ABL1: variants seen among roughly 807,000 people sequenced by gnomAD.
The protein encoded by ABL1 is ABL proto-oncogene 1, non-receptor tyrosine kinase.
In ABL1, 11 loss-of-function variants were observed where a neutral mutation model predicts 94.7. The observed-to-expected ratio is 0.12, with a 90% CI of 0.07 to 0.19. The LOEUF (loss-of-function observed/expected upper bound fraction) is 0.19. Among genes scored for constraint, ABL1 ranks in the 10% least tolerant of loss-of-function variants. The pLI, the probability that ABL1 is intolerant of heterozygous loss-of-function variation, is 1.00. For synonymous variants in ABL1, 656 were observed against 622.4 expected, an observed-to-expected ratio of 1.05 and a Z score of -0.80; for missense variants, 1,082 against 1,489.4, an observed-to-expected ratio of 0.73 and a Z score of 4.50.
intron 1 of ABL1, among the ~76,000 whole-genome samples, chr9:130,715,732 T>C (rs1831428914): frequency 6.6e-6 from 1 of 152,220 alleles, no homozygotes; most frequent in Non-Finnish European, 1.5e-5. Flanking sequence ...CTTATCAGAA[T>C]TTGAAATGTA....
intron 1 of ABL1, among the ~76,000 whole-genome samples, chr9:130,769,047 C>T (rs954476472): frequency 2.6e-5 from 4 of 152,000 alleles, no homozygotes; most frequent in Non-Finnish European, 5.9e-5. Flanking sequence ...GTGGGTATGG[C>T]CTGGGGACGT....
intron 1 of ABL1, among the ~76,000 whole-genome samples, chr9:130,743,655 A>G (rs1831847843): frequency 6.6e-6 from 1 of 152,212 alleles, no homozygotes; most frequent in Non-Finnish European, 1.5e-5. Flanking sequence ...TCCTGGGCCA[A>G]AACCTTTATT....
At chr9:130,831,799 G>C (rs1830497633), upstream of ABL1, among the ~76,000 whole-genome samples, 1 of 152,014 alleles carries the variant, frequency 6.6e-6, no homozygotes, top group African/African-American at 2.4e-5. Flanking sequence ...AGTAGAGACA[G>C]GATTTCCCCA....
At chr9:130,755,157 T>C (rs1441491122) in intron 1 of ABL1, among the ~76,000 whole-genome samples, 1 of 152,210 alleles carries the variant, frequency 6.6e-6, no homozygotes, top group Non-Finnish European at 1.5e-5. Context: ...TGTTAAAATA[T>C]CAGAGCTATG....
At chr9:130,750,373 TTCCTTCCC>T (rs1211189912) in intron 1 of ABL1, among the ~76,000 whole-genome samples, 6 of 146,400 alleles carry the variant, frequency 4.1e-5, no homozygotes, top group Middle Eastern at 3.7e-3. Flanking sequence ...CCCATCATCC[TTCCTTCCC>T]TCCTTCCCTC....
intron 1 of ABL1, among the ~76,000 whole-genome samples, chr9:130,853,393 C>G (rs1247013711): frequency 1.3e-5 from 2 of 150,136 alleles, no homozygotes; most frequent in African/African-American, 4.9e-5. Context: ...TCAGGTTGGT[C>G]TTGAACTCCT....
intron 1 of ABL1, among the ~76,000 whole-genome samples, chr9:130,841,507 C>G (rs907046311): frequency 6.6e-6 from 1 of 151,964 alleles, no homozygotes; most frequent in Middle Eastern, 3.4e-3. Flanking sequence ...GTTGAACAAG[C>G]TTGCTCTAGA....
At position 130,884,681 on chromosome 9, in the gene ABL1, C is replaced by A; in HGVS notation, c.2391C>A (p.Val797=). 1 of 1,612,970 alleles carries A rather than the reference C, an allele frequency of 6.2e-7. No homozygotes were observed. Among genetic ancestry groups the A allele is most frequent in the Non-Finnish European group, 8.5e-7 (1 of 1,179,982 alleles). Reference sequence around the variant, plus strand: ...AGAATGAGGAAGCTGCTGATGAGGTCTTCAAAGACATCATGGAGTCCAGCC... The same window carrying A: ...AGAATGAGGAAGCTGCTGATGAGGTATTCAAAGACATCATGGAGTCCAGCC... ...VKKNEEAADE[V]FKDIMESSPG... is the part of the protein sequence containing the mutation. Residue 797 remains valine (V), a synonymous_variant, in exon 11 of 11, where the codon GTC becomes GTA. Coordinates refer to ENST00000318560, the MANE Select transcript of ABL1 (RefSeq NM_005157.6). This position sits in a 1 kb window ranked among gnomAD's most constrained non-coding sequence, Gnocchi z 5.6.
exon 1 of ABL1, chr9:130,714,286 C>A (rs889047854): frequency 1.3e-6 from 2 of 1,546,980 alleles, no homozygotes; most frequent in Non-Finnish European, 1.7e-6. Context: ...AGATCTTGAA[C>A]CCTCTTCTGG....
rs374587594 is a variant in ABL1, at chr9:130,734,462, G to A, written c.136+20007G>A. On this transcript the variant is annotated intron_variant, in intron 1 of 10. Transcript: ENST00000372348. ...GATCTCCTGACCTCGTGATCCGCCC[G>A]CCTTGGCTTCCCAAAGTGCTGGGAT... 1.9e-4 allele frequency among the ~76,000 whole-genome samples: 28 copies of A among 150,434 alleles called. No individual in the cohort carries two copies. The East Asian group carries it at 2.8e-3, about 15-fold the overall frequency.
intron 1 of ABL1, among the ~76,000 whole-genome samples, chr9:130,806,494 T>C (rs1564295345): frequency 6.6e-6 from 1 of 151,944 alleles, no homozygotes; most frequent in South Asian, 2.1e-4. Context: ...GTGAGGACTT[T>C]AAAAAAAATT....
intron 1 of ABL1, among the ~76,000 whole-genome samples, chr9:130,811,800 T>C (rs934412413): frequency 6.7e-6 from 1 of 150,220 alleles, no homozygotes; most frequent in Non-Finnish European, 1.5e-5. Context: ...TAATCTCAGC[T>C]ACTCGGGAGG....
chr9:130,748,598 C>T lies in ABL1; in HGVS notation c.136+34143C>T, dbSNP rs571941607. Among the ~76,000 whole-genome samples the T allele has an allele frequency of 5.7e-4, 84 of 148,158 alleles. 1 individual carries two copies. Among genetic ancestry groups the T allele is most frequent in the East Asian group, 3.4e-3 (17 of 4,980 alleles). Reference sequence around the variant, plus strand: ...TAGCTACTTTTTTTTTTTTTTGAGACGGAGTCTTGCTCTGTCGCCCACACT... The same window carrying T: ...TAGCTACTTTTTTTTTTTTTTGAGATGGAGTCTTGCTCTGTCGCCCACACT... On this transcript the variant is annotated intron_variant, in intron 1 of 10. Coordinates refer to the ABL1 transcript ENST00000372348.
At chr9:130,860,583 A>T (rs931606504) in intron 3 of ABL1, among the ~76,000 whole-genome samples, 3 of 152,122 alleles carry the variant, frequency 2.0e-5, no homozygotes, top group Non-Finnish European at 2.9e-5. Context: ...CCGACGGGAG[A>T]GAGGGATAAT....
intron 1 of ABL1, among the ~76,000 whole-genome samples, chr9:130,740,736 G>T (rs1221972433): frequency 1.3e-5 from 2 of 151,760 alleles, no homozygotes; most frequent in East Asian, 3.9e-4. Context: ...GCTCACTTCA[G>T]CCTGTAATTC....
chr9:130,858,831 C>G (rs530656895), intron 3 of ABL1, among the ~76,000 whole-genome samples: 1 of 152,222 alleles, frequency 6.6e-6, no homozygotes, highest in African/African-American at 2.4e-5. Flanking sequence ...CTGTAAGGCC[C>G]CAAAGGATTT....
intron 1 of ABL1, among the ~76,000 whole-genome samples, chr9:130,750,671 G>A (rs1414083585): frequency 3.4e-4 from 33 of 96,106 alleles, no homozygotes; most frequent in African/African-American, 1.5e-3. Context: ...TTTTGAGACA[G>A]AGTCTCACTC....
intron 4 of ABL1, among the ~76,000 whole-genome samples, chr9:130,869,424 T>C (rs1389918703): frequency 6.6e-6 from 1 of 152,224 alleles, no homozygotes; most frequent in Non-Finnish European, 1.5e-5. Flanking sequence ...GTTGTGCAGA[T>C]GAGAAAACAG....
At chr9:130,804,160 T>A (rs1830092732) in intron 1 of ABL1, among the ~76,000 whole-genome samples, 1 of 149,428 alleles carries the variant, frequency 6.7e-6, no homozygotes, top group Non-Finnish European at 1.5e-5. Flanking sequence ...ATCGAGACAA[T>A]CCTGGCTAAC....
Sources: gnomAD v4.1 joint callset for allele counts (sites outside exome capture counted in the v4.1 genomes callset) on GRCh38, gnomAD v4.1.1 for gene constraint, Gnocchi (gnomAD v3.1) non-coding constraint, MANE v1.5 for transcripts, NCBI Gene and HGNC (gene_info 2026-07-23, HGNC 2026-07-21) for gene names.